The following SPIN1 variants were observed in gnomAD, a reference collection of about 807,000 sequenced individuals.
SPIN1 encodes spindlin-1.
Under a neutral mutation model 26.0 loss-of-function variants are expected in SPIN1, and 3 were observed. The ratio of observed to expected loss-of-function variants is 0.12; its 90% CI spans 0.05 to 0.30. The LOEUF is 0.30. SPIN1 is among the 10% of genes least tolerant of loss of function. The probability of loss-of-function intolerance (pLI) is 1.00; values close to 1 mark genes in which losing one functional copy is unlikely to be tolerated. For synonymous variants in SPIN1, 101 were observed against 116.5 expected, an observed-to-expected ratio of 0.87 and a Z score of 0.86; for missense variants, 126 against 333.4, an observed-to-expected ratio of 0.38 and a Z score of 4.84.
At chr9:88,398,865 C>T (rs776710300) in intron 1 of SPIN1, among the ~76,000 whole-genome samples, 17 of 152,002 alleles carry the variant, frequency 1.1e-4, no homozygotes, top group Non-Finnish European at 1.9e-4. Flanking sequence ...CCGTGCCCGG[C>T]CTTGTTGACT....
intron 1 of SPIN1, among the ~76,000 whole-genome samples, chr9:88,395,824 C>T (rs1254203185): frequency 5.3e-5 from 8 of 151,120 alleles, no homozygotes; most frequent in Admixed American, 1.3e-4. Context: ...TGAGGTGGGC[C>T]GATCATGAGG....
intron 1 of SPIN1, among the ~76,000 whole-genome samples, chr9:88,414,151 A>T (rs1018025536): frequency 6.6e-6 from 1 of 152,220 alleles, no homozygotes; most frequent in Non-Finnish European, 1.5e-5. Context: ...TAACCGGGAA[A>T]GCTCATGTGA....
intron 1 of SPIN1, among the ~76,000 whole-genome samples, chr9:88,425,754 G>A (rs1827753388): frequency 6.6e-6 from 1 of 151,806 alleles, no homozygotes; most frequent in Non-Finnish European, 1.5e-5. Flanking sequence ...TTGAGGCTCC[G>A]CTGAAATTTC....
chr9:88,389,034 C>T (rs868153414), intron 1 of SPIN1, among the ~76,000 whole-genome samples: 1 of 151,712 alleles, frequency 6.6e-6, no homozygotes, highest in Middle Eastern at 3.4e-3. Context: ...GGGACCCCGG[C>T]GCGACGGGTC....
intron 1 of SPIN1, among the ~76,000 whole-genome samples, chr9:88,406,003 G>GTC (rs1302965148): frequency 1.2e-5 from 1 of 83,190 alleles, no homozygotes; most frequent in Non-Finnish European, 2.1e-5. Flanking sequence ...TGGCTTGTGT[G>GTC]TCTGTGTGTG....
At chr9:88,469,724 G>T (rs1258338366) in intron 5 of SPIN1, among the ~76,000 whole-genome samples, 1 of 152,054 alleles carries the variant, frequency 6.6e-6, no homozygotes, top group Non-Finnish European at 1.5e-5. Context: ...TTAGAGATGG[G>T]GTTTCACCAT....
intron 2 of SPIN1, among the ~76,000 whole-genome samples, chr9:88,432,196 GT>G (rs111413130): frequency 0.036 from 202 of 5,572 alleles, 2 homozygotes; most frequent in East Asian, 0.17. Flanking sequence ...CCCACCCCCA[GT>G]TTTTTTTTTT....
rs751910460 is a variant in SPIN1 at position 88,473,607 on chromosome 9, A to G, written c.590-1471A>G. On this transcript the variant is annotated intron_variant, in intron 5 of 5. Transcript: ENST00000375859. The stretch of plus-strand genomic sequence containing the variant: ...CAATTCTGCATCGCTTTTCCTAGCC[A>G]TTTTTTGATCTTCCCTCTCCTTTAA... 1.6e-4 allele frequency among the ~76,000 whole-genome samples: 24 copies of G among 151,718 alleles called. 1 individual carries two copies. The highest frequency in any genetic ancestry group is 5.3e-4 in the Admixed American group (8 of 15,238).
In SPIN1 at chr9:88,467,853, AAAAAC is replaced by A. The variant is rs1191303984; in HGVS notation, c.356-514_356-510del. Among the ~76,000 whole-genome samples the A allele has an allele frequency of 1.1e-4, 16 of 144,470 alleles. 1 individual carries two copies. The South Asian group carries it at 2.3e-3, about 20-fold the overall frequency. The allele number at this position is 144,470 out of a possible 152,430, so 94.8% of individuals were successfully genotyped here. A position where few individuals can be genotyped will look rare whatever the true frequency, so the allele number is the denominator to read the frequency against. On this transcript the variant is annotated intron_variant, in intron 4 of 5. Coordinates refer to ENST00000375859, the MANE Select transcript of SPIN1 (RefSeq NM_006717.3). The stretch of plus-strand genomic sequence containing the variant: ...ACAAACACCAATTTCTTTAAAAAAA[AAAAAC>A]AAAAAAAAAACCCTCTGTGCCTTGA...
intron 1 of SPIN1, among the ~76,000 whole-genome samples, chr9:88,422,380 A>G (rs1827687251): frequency 6.6e-6 from 1 of 152,218 alleles, no homozygotes; most frequent in Non-Finnish European, 1.5e-5. Context: ...GAATAACTTA[A>G]GGTGAAGATG....
At chr9:88,416,996 G>T (rs930824315) in intron 1 of SPIN1, among the ~76,000 whole-genome samples, 15 of 152,290 alleles carry the variant, frequency 9.8e-5, no homozygotes, top group African/African-American at 3.1e-4. Flanking sequence ...CTGATATCAA[G>T]ATTTTAATTT....
At chr9:88,457,969 G>A (rs1046239436) in intron 3 of SPIN1, 1 of 985,192 alleles carries the variant, frequency 1.0e-6, no homozygotes, top group African/African-American at 1.7e-5. Context: ...GCCAGGTAAG[G>A]TTTTAAGTTT....
At chr9:88,442,860 G>A (rs554826651) in intron 2 of SPIN1, among the ~76,000 whole-genome samples, 3 of 151,476 alleles carry the variant, frequency 2.0e-5, no homozygotes, top group South Asian at 2.1e-4. Flanking sequence ...GGTGGCGCAC[G>A]CCTGTAATCC....
chr9:88,404,745 G>A (rs762474936), intron 1 of SPIN1, among the ~76,000 whole-genome samples: 9 of 151,872 alleles, frequency 5.9e-5, no homozygotes, highest in Admixed American at 1.3e-4. Flanking sequence ...GTGAAACCCT[G>A]TCTCTACTAA....
At chr9:88,460,441 G>A (rs1564041643) in intron 3 of SPIN1, among the ~76,000 whole-genome samples, 1 of 152,174 alleles carries the variant, frequency 6.6e-6, no homozygotes, top group Admixed American at 6.5e-5. Flanking sequence ...ATGTTCTTAC[G>A]TTAGGGTTCT....
At chr9:88,388,842 C>A (rs927009955) in intron 1 of SPIN1, among the ~76,000 whole-genome samples, 6 of 150,876 alleles carry the variant, frequency 4.0e-5, no homozygotes, top group Non-Finnish European at 8.9e-5. Flanking sequence ...CCCCAGTTCC[C>A]CGGCCGCCGC....
At chr9:88,418,321 G>A (rs923612612) in intron 1 of SPIN1, among the ~76,000 whole-genome samples, 3 of 152,122 alleles carry the variant, frequency 2.0e-5, no homozygotes, top group Non-Finnish European at 2.9e-5. Context: ...TAGGAATTTG[G>A]GTACCAGGAA....
In SPIN1 at chr9:88,424,622, A is replaced by G. The variant is rs572229099; in HGVS notation, c.-158-1760A>G. On this transcript the variant is annotated intron_variant, in intron 1 of 5. Transcript: ENST00000375859. ...CTGTACATTGATACTGGTTGCATCA[A>G]ATAATTGTTGGAATGGGAGTGTCAG... Among the ~76,000 whole-genome samples, 26 of 152,332 alleles carry G rather than the reference A, an allele frequency of 1.7e-4. 1 individual carries two copies. In the South Asian group the frequency reaches 2.3e-3, roughly 13 times the overall value.
rs1295303377 is a variant in SPIN1 at position 88,477,985 on chromosome 9, T to G, written c.*2708T>G. ...ATTGCATGTTAAAGATATTTAGGTT[T>G]TTTTGTTTTCTTTATTTTTATTTGT... is the stretch of plus-strand genomic sequence containing the variant. On this transcript the variant is annotated 3_prime_UTR_variant, in exon 6 of 6. Coordinates refer to ENST00000375859, the MANE Select transcript of SPIN1 (RefSeq NM_006717.3). The G allele has an allele frequency of 6.6e-6, 1 of 152,198 alleles. No homozygotes were observed. The highest frequency in any genetic ancestry group is 1.5e-5 in the Non-Finnish European group (1 of 68,046). The allele number at this position is 152,198 out of a possible 1,614,324, so 9.4% of individuals were successfully genotyped here. A position where few individuals can be genotyped will look rare whatever the true frequency, so the allele number is the denominator to read the frequency against.
Sources: allele counts gnomAD v4.1 joint callset (sites outside exome capture counted in the v4.1 genomes callset), GRCh38; gene constraint gnomAD v4.1.1; transcripts MANE v1.5; gene names NCBI Gene and HGNC (gene_info 2026-07-23, HGNC 2026-07-21).